The following RBMS1 variants were observed in gnomAD, a reference collection of about 807,000 sequenced individuals.
RBMS1 encodes the protein RNA binding motif single stranded interacting protein 1, also known as RNA-binding motif, single-stranded-interacting protein 1.
In RBMS1, 17 loss-of-function variants were observed where a neutral mutation model predicts 62.3. The observed-to-expected ratio is 0.27, with a 90% CI of 0.19 to 0.41. RBMS1 has a LOEUF of 0.41. Ranked by LOEUF, RBMS1 falls within the 10% of genes least tolerant of loss-of-function variation. The pLI is 1.00. For synonymous variants in RBMS1, 172 were observed against 170.0 expected, an observed-to-expected ratio of 1.01 and a Z score of -0.09; for missense variants, 334 against 504.5, an observed-to-expected ratio of 0.66 and a Z score of 3.24.
intron 1 of RBMS1, among the ~76,000 whole-genome samples, chr2:160,407,031 G>GACACAC (rs147853303): frequency 1.3e-5 from 2 of 151,410 alleles, no homozygotes; most frequent in African/African-American, 2.4e-5. Context: ...CAGAGACACA[G>GACACAC]ACACACACAC....
chr2:160,310,588 G>C (rs915710185), intron 4 of RBMS1, among the ~76,000 whole-genome samples: 1 of 152,124 alleles, frequency 6.6e-6, no homozygotes, highest in Non-Finnish European at 1.5e-5. Flanking sequence ...TTGAAATAAC[G>C]ACAGTGGCTG....
At chr2:160,457,782 T>G (rs1445342806) in intron 1 of RBMS1, among the ~76,000 whole-genome samples, 1 of 151,638 alleles carries the variant, frequency 6.6e-6, no homozygotes, top group African/African-American at 2.4e-5. Flanking sequence ...AGGTGCCAGC[T>G]TGAAAGTCGC....
At chr2:160,441,805 C>T (rs1473904007) in intron 1 of RBMS1, among the ~76,000 whole-genome samples, 1 of 152,204 alleles carries the variant, frequency 6.6e-6, no homozygotes, top group Non-Finnish European at 1.5e-5. Flanking sequence ...AAGTGCTATA[C>T]ATCCTCCCTA....
At chr2:160,461,167 T>C (rs1368463972) in intron 1 of RBMS1, among the ~76,000 whole-genome samples, 2 of 152,182 alleles carry the variant, frequency 1.3e-5, no homozygotes, top group African/African-American at 4.8e-5. Context: ...AAGGATCACT[T>C]GAGCTCAGGA....
chr2:160,426,335 A>AAGGAAAGGAAGG (rs58658592), intron 1 of RBMS1, among the ~76,000 whole-genome samples: 1 of 93,240 alleles, frequency 1.1e-5, no homozygotes, highest in South Asian at 4.0e-4. Context: ...GGAAGGAAGG[A>AAGGAAAGGAAGG]AAGGAAGGAA....
At chr2:160,426,284 AGAAAGAAAAGAAAGAAG>A (rs1574043713) in intron 1 of RBMS1, among the ~76,000 whole-genome samples, 51 of 116,054 alleles carry the variant, frequency 4.4e-4, no homozygotes, top group African/African-American at 1.5e-3. Context: ...AAAGAAAGAA[AGAAAGAAAAGAAAGAAG>A]GAAGGAAGGA....
chr2:160,305,903 G>A (rs551889322), intron 4 of RBMS1, among the ~76,000 whole-genome samples: 12 of 152,150 alleles, frequency 7.9e-5, no homozygotes, highest in Non-Finnish European at 1.5e-4. Context: ...TATAGGCCAA[G>A]GTGGGAGGAT....
intron 6 of RBMS1, 149 bp downstream of exon 6, chr2:160,300,502 G>A (rs1689153103): frequency 4.3e-6 from 5 of 1,158,548 alleles, no homozygotes; most frequent in Admixed American, 7.2e-5. Flanking sequence ...AGGGAGAGGT[G>A]AATTTTTAAG....
At chr2:160,492,517 A>G (rs1417866509) in intron 1 of RBMS1, among the ~76,000 whole-genome samples, 1 of 152,178 alleles carries the variant, frequency 6.6e-6, no homozygotes, top group Non-Finnish European at 1.5e-5. Flanking sequence ...CATATAAGCT[A>G]GTTTTGTTTT....
chr2:160,486,605 C>T lies in RBMS1; in HGVS notation c.75+6684G>A, dbSNP rs565690484. Among the ~76,000 whole-genome samples the T allele has an allele frequency of 2.2e-4, 33 of 152,118 alleles. 3 individuals are homozygous for T. The South Asian group carries it at 6.7e-3, about 31-fold the overall frequency. ...TGGATTCCAGGGCCCATATTGAGGCCAAGTAGAGGACAACAGGACTCCTGA... is the reference window on the plus strand; with the variant it reads ...TGGATTCCAGGGCCCATATTGAGGCTAAGTAGAGGACAACAGGACTCCTGA... On this transcript the variant is annotated intron_variant, in intron 1 of 13. Transcript: ENST00000348849.
chr2:160,389,460 G>A (rs1694744087), intron 1 of RBMS1, among the ~76,000 whole-genome samples: 1 of 152,058 alleles, frequency 6.6e-6, no homozygotes, highest in Non-Finnish European at 1.5e-5. Flanking sequence ...CACTTCGGGA[G>A]GCCAAGGCAG....
chr2:160,358,840 C>T (rs1200018701), intron 2 of RBMS1, among the ~76,000 whole-genome samples: 1 of 151,972 alleles, frequency 6.6e-6, no homozygotes, highest in Non-Finnish European at 1.5e-5. Context: ...TTGCCCACAA[C>T]CCTATGTTTT....
At chr2:160,311,232 C>CTCTCTCTCTCTCTCTCTCTCTCTA (rs1553505424) in intron 4 of RBMS1, among the ~76,000 whole-genome samples, 9 of 79,254 alleles carry the variant, frequency 1.1e-4, no homozygotes, top group East Asian at 3.2e-4. Flanking sequence ...ATCTATCTAT[C>CTCTCTCTCTCTCTCTCTCTCTCTA]TATATATATA....
intron 1 of RBMS1, among the ~76,000 whole-genome samples, chr2:160,452,512 TTTTGTTG>T (rs1408383820): frequency 3.3e-5 from 5 of 152,204 alleles, no homozygotes; most frequent in Non-Finnish European, 7.3e-5. Context: ...ATACTATATT[TTTTGTTG>T]TTGTATTGTT....
At chr2:160,319,493 C>A (rs1690430778) in intron 2 of RBMS1, among the ~76,000 whole-genome samples, 1 of 152,168 alleles carries the variant, frequency 6.6e-6, no homozygotes, top group South Asian at 2.1e-4. Flanking sequence ...CCCTGGGCGA[C>A]AGAGCAAGAC....
intron 10 of RBMS1, among the ~76,000 whole-genome samples, 150 bp downstream of exon 10, chr2:160,281,161 GAGA>G (rs1419775501): frequency 6.6e-6 from 1 of 152,118 alleles, no homozygotes; most frequent in Non-Finnish European, 1.5e-5. Flanking sequence ...TTATAAGGAT[GAGA>G]AGAAGTTTTA....
intron 7 of RBMS1, among the ~76,000 whole-genome samples, chr2:160,286,516 C>T (rs545922315): frequency 2.6e-5 from 4 of 151,992 alleles, no homozygotes; most frequent in African/African-American, 7.2e-5. Flanking sequence ...GACGGGGTTT[C>T]GCCATGTTGG....
intron 1 of RBMS1, among the ~76,000 whole-genome samples, chr2:160,426,639 G>C (rs986164554): frequency 2.0e-5 from 3 of 152,182 alleles, no homozygotes; most frequent in African/African-American, 7.2e-5. Flanking sequence ...TTAGTTTCAA[G>C]TGTATACCTT....
At chr2:160,417,412 G>A (rs1179933188) in intron 1 of RBMS1, among the ~76,000 whole-genome samples, 1 of 152,190 alleles carries the variant, frequency 6.6e-6, no homozygotes, top group Non-Finnish European at 1.5e-5. Flanking sequence ...GAGATTCTAT[G>A]ACCAAATAGT....
Sources: allele counts gnomAD v4.1 joint callset (sites outside exome capture counted in the v4.1 genomes callset), GRCh38; gene constraint gnomAD v4.1.1; transcripts MANE v1.5; gene names NCBI Gene and HGNC (gene_info 2026-07-23, HGNC 2026-07-21).